PTPRD: variants seen among roughly 807,000 people sequenced by gnomAD.
The protein encoded by PTPRD is receptor-type tyrosine-protein phosphatase delta.
In PTPRD, 34 loss-of-function variants were observed where a neutral mutation model predicts 214.5. The ratio of observed to expected loss-of-function variants is 0.16; its 90% CI spans 0.12 to 0.21. The LOEUF (loss-of-function observed/expected upper bound fraction) is 0.21. Ranked by LOEUF, PTPRD falls within the 10% of genes least tolerant of loss-of-function variation. The pLI, the probability that PTPRD is intolerant of heterozygous loss-of-function variation, is 1.00. For synonymous variants in PTPRD, 1,128 were observed against 845.7 expected (o/e 1.33, Z -5.79); for missense variants, 2,545 against 2,398.7 (o/e 1.06, Z -1.27).
intron 7 of PTPRD, among the ~76,000 whole-genome samples, chr9:9,676,818 T>C (rs202020940): frequency 1.3e-5 from 2 of 152,024 alleles, no homozygotes; most frequent in South Asian, 2.1e-4. Context: ...GATCGCCATT[T>C]TAACTGGTGT....
chr9:9,357,704 G>A (rs2054345922), intron 9 of PTPRD, among the ~76,000 whole-genome samples: 1 of 138,254 alleles, frequency 7.2e-6, no homozygotes, highest in Admixed American at 7.2e-5. Flanking sequence ...CTGCTCAATA[G>A]TTTTTAAAAT....
chr9:8,577,323 T>C (rs565330216), intron 14 of PTPRD, among the ~76,000 whole-genome samples: 9 of 152,216 alleles, frequency 5.9e-5, no homozygotes, highest in African/African-American at 2.2e-4. Context: ...TGGCGTGATC[T>C]TGGCTCACTG....
At chr9:10,025,894 T>C (rs192392416) in intron 4 of PTPRD, among the ~76,000 whole-genome samples, 3 of 152,176 alleles carry the variant, frequency 2.0e-5, no homozygotes, top group African/African-American at 7.2e-5. Context: ...ACTTGAGAAA[T>C]ATAAAGGGTA....
chr9:8,788,769 A>C (rs978851154), intron 11 of PTPRD, among the ~76,000 whole-genome samples: 2 of 152,166 alleles, frequency 1.3e-5, no homozygotes, highest in Non-Finnish European at 2.9e-5. Flanking sequence ...ATTGCTTCCA[A>C]CCCACTTCCG....
intron 11 of PTPRD, among the ~76,000 whole-genome samples, chr9:8,880,717 C>T (rs747734220): frequency 6.6e-6 from 1 of 152,018 alleles, no homozygotes; most frequent in Non-Finnish European, 1.5e-5. Context: ...TATCCAAGCA[C>T]AAATAAATAG....
intron 2 of PTPRD, among the ~76,000 whole-genome samples, chr9:10,480,172 G>C (rs1391280479): frequency 6.6e-6 from 1 of 152,094 alleles, no homozygotes; most frequent in Admixed American, 6.6e-5. Flanking sequence ...TGGCAAGTGT[G>C]CCACACTCAG....
rs79392973 is a variant in PTPRD, at chr9:8,905,572, C to G, written c.-104+113125G>C. 3.4e-4 allele frequency among the ~76,000 whole-genome samples: 52 copies of G among 152,002 alleles called. No individual in the cohort carries two copies. In the East Asian group the frequency reaches 9.9e-3, roughly 29 times the overall value. The stretch of plus-strand genomic sequence containing the variant: ...TGGCCAATGTGGTGAAACCCCTTCT[C>G]TACTAAAAATACAAAAATTAGTTGG... On this transcript the variant is annotated intron_variant, in intron 11 of 45. Transcript: ENST00000381196.
At chr9:9,908,437 T>C (rs1420223580) in intron 5 of PTPRD, among the ~76,000 whole-genome samples, 1 of 152,008 alleles carries the variant, frequency 6.6e-6, no homozygotes, top group Non-Finnish European at 1.5e-5. Flanking sequence ...ATCCACACCT[T>C]GTTAAGGACA....
chr9:8,447,708 T>C (rs1448762073), intron 34 of PTPRD, among the ~76,000 whole-genome samples: 2 of 152,186 alleles, frequency 1.3e-5, no homozygotes, highest in Non-Finnish European at 2.9e-5. Context: ...GCACTCTCAC[T>C]GGCTCCCTTC....
chr9:8,470,097 C>G (rs550000076), intron 31 of PTPRD, among the ~76,000 whole-genome samples: 1 of 152,100 alleles, frequency 6.6e-6, no homozygotes, highest in Non-Finnish European at 1.5e-5. Flanking sequence ...AAATTAAAAT[C>G]TCATATTTGC....
chr9:9,806,602 T>A (rs1461491236), intron 5 of PTPRD, among the ~76,000 whole-genome samples: 1 of 151,990 alleles, frequency 6.6e-6, no homozygotes, highest in African/African-American at 2.4e-5. Flanking sequence ...CCAATGATAA[T>A]CCCACCACCC....
At chr9:9,304,119 T>C (rs1956340868) in intron 9 of PTPRD, among the ~76,000 whole-genome samples, 1 of 152,108 alleles carries the variant, frequency 6.6e-6, no homozygotes, top group Non-Finnish European at 1.5e-5. Flanking sequence ...TCTCCCATTT[T>C]CCAGGCACTG....
chr9:9,935,029 A>C (rs371947843), intron 5 of PTPRD, among the ~76,000 whole-genome samples: 11 of 152,252 alleles, frequency 7.2e-5, no homozygotes, highest in East Asian at 5.8e-4. Context: ...TTCAACAACC[A>C]TTCATGCTAA....
At chr9:8,500,527 A>T (rs776977759) in intron 24 of PTPRD, among the ~76,000 whole-genome samples, 19 of 143,550 alleles carry the variant, frequency 1.3e-4, no homozygotes, top group Non-Finnish European at 2.4e-4. Flanking sequence ...TTTAAAGAGA[A>T]GCAAATTACT....
intron 8 of PTPRD, among the ~76,000 whole-genome samples, chr9:9,480,188 A>G (rs982692611): frequency 6.6e-6 from 1 of 152,188 alleles, no homozygotes; most frequent in Admixed American, 6.6e-5. Context: ...TGCATGGATA[A>G]AATGTGAATA....
chr9:10,031,434 T>C (rs1233471286), intron 4 of PTPRD, among the ~76,000 whole-genome samples: 1 of 150,934 alleles, frequency 6.6e-6, no homozygotes, highest in East Asian at 2.0e-4. Context: ...GGCAGAAAAA[T>C]GTGAAAAGGC....
At chr9:8,587,140 A>T (rs1042152838) in intron 14 of PTPRD, among the ~76,000 whole-genome samples, 1 of 152,158 alleles carries the variant, frequency 6.6e-6, no homozygotes, top group Non-Finnish European at 1.5e-5. Context: ...ACAGAGCGAG[A>T]CTCCATCTAA....
chr9:9,462,844 C>T (rs1330148453), intron 8 of PTPRD, among the ~76,000 whole-genome samples: 1 of 152,058 alleles, frequency 6.6e-6, no homozygotes, highest in African/African-American at 2.4e-5. Context: ...ACACTTTATC[C>T]CTCTTCTACC....
At chr9:9,775,998 A>T (rs2098796025) in intron 5 of PTPRD, among the ~76,000 whole-genome samples, 1 of 141,040 alleles carries the variant, frequency 7.1e-6, no homozygotes, top group South Asian at 2.3e-4. Flanking sequence ...TTTTTATGTC[A>T]CTCCCACTAA....
Sources: allele counts gnomAD v4.1 joint callset (sites outside exome capture counted in the v4.1 genomes callset), GRCh38; gene constraint gnomAD v4.1.1; transcripts MANE v1.5; gene names NCBI Gene and HGNC (gene_info 2026-07-23, HGNC 2026-07-21).